The following STEEP1 variants were observed in gnomAD, a reference collection of about 807,000 sequenced individuals.
STEEP1 encodes STING1 ER exit protein 1.
A neutral mutation model predicts 19.2 loss-of-function variants in STEEP1; 3 were observed. The ratio of observed to expected loss-of-function variants is 0.16; its 90% CI spans 0.07 to 0.40. The LOEUF (loss-of-function observed/expected upper bound fraction) is 0.40, where lower values mean the gene tolerates loss of function less well. Ranked by LOEUF, STEEP1 falls within the 10% of genes least tolerant of loss-of-function variation. The probability of loss-of-function intolerance (pLI) is 0.99; values close to 1 mark genes in which losing one functional copy is unlikely to be tolerated. For missense variants in STEEP1, 54 were observed against 177.1 expected (o/e 0.30, Z 3.94); for synonymous variants, 46 against 63.7 (o/e 0.72, Z 1.32).
chrX:119,555,042 G>A (rs748902343), intron 2 of STEEP1, among the ~76,000 whole-genome samples: 50 of 109,609 alleles, frequency 4.6e-4, no homozygotes, highest in African/African-American at 1.5e-3. Flanking sequence ...CCAGGAGATC[G>A]AGACTGCAGT....
At chrX:119,552,902 C>T (rs1370937589) in intron 2 of STEEP1, among the ~76,000 whole-genome samples, 2 of 111,494 alleles carry the variant, frequency 1.8e-5, no homozygotes, top group Non-Finnish European at 3.8e-5. Flanking sequence ...GTGGCTCACA[C>T]CTGTAATCCC....
At chrX:119,545,893 CAAAAA>C (rs71927150) in intron 2 of STEEP1, among the ~76,000 whole-genome samples, 2 of 55,440 alleles carry the variant, frequency 3.6e-5, no homozygotes, top group Admixed American at 2.2e-4. Context: ...AACTCCGTCT[CAAAAA>C]AAAAAAAAAA....
intron 4 of STEEP1, among the ~76,000 whole-genome samples, chrX:119,543,077 G>A (rs1325307439): frequency 9.3e-6 from 1 of 107,112 alleles, no homozygotes; most frequent in African/African-American, 3.4e-5. Context: ...TCTCAGGCTT[G>A]TATCCAACTC....
In STEEP1 at chrX:119,560,346, C is replaced by A; in HGVS notation, c.164G>T (p.Arg55Leu). 8.3e-7 allele frequency: 1 copy of A among 1,208,583 alleles called. No homozygotes were observed. Among genetic ancestry groups the A allele is most frequent in the Non-Finnish European group, 1.1e-6 (1 of 892,698 alleles). Residue 55 changes from arginine (R) to leucine (L), a missense_variant, in exon 2 of 7, where the codon CGG becomes CTG. By Grantham distance (102) the Arg-to-Leu change is moderately radical. Transcript: ENST00000644802. Reference protein sequence around the residue: ...LEKLPMRPRDRSRVIDAAKHA... With the variant: ...LEKLPMRPRDLSRVIDAAKHA... The stretch of plus-strand genomic sequence containing the variant: ...TTTGGCAGCATCAATCACACGGGAC[C>A]GGTCCCGGGGCCTCATGGGCAATTT...
intron 2 of STEEP1, among the ~76,000 whole-genome samples, chrX:119,546,471 A>G (rs1431325918): frequency 1.8e-5 from 2 of 108,729 alleles, no homozygotes; most frequent in African/African-American, 6.7e-5. Context: ...TACATGTATT[A>G]ACTCATTTAA....
At chrX:119,560,466 T>C (rs2053313524) in intron 1 of STEEP1, 81 bp from the exon 2 acceptor site, 3 of 609,522 alleles carry the variant, frequency 4.9e-6, no homozygotes, top group East Asian at 3.3e-5. Flanking sequence ...CTGAGAAGTT[T>C]TGAGTGGGAT....
chrX:119,555,063 T>C (rs1275441983), intron 2 of STEEP1, among the ~76,000 whole-genome samples: 1 of 109,191 alleles, frequency 9.2e-6, no homozygotes, highest in African/African-American at 3.3e-5. Context: ...GAGCTGTGAT[T>C]GTGCCACTGC....
At chrX:119,554,465 C>T (rs1209786753) in intron 2 of STEEP1, among the ~76,000 whole-genome samples, 1 of 111,133 alleles carries the variant, frequency 9.0e-6, no homozygotes, top group Admixed American at 9.6e-5. Context: ...ATTCTCCATT[C>T]TGGCTGTGGT....
intron 1 of STEEP1, among the ~76,000 whole-genome samples, chrX:119,562,135 G>A (rs1339723579): frequency 4.4e-5 from 5 of 112,395 alleles, no homozygotes; most frequent in Non-Finnish European, 9.4e-5. Context: ...GGTGGCTCAC[G>A]CCTGTAATCC....
At chrX:119,544,757 A>G (rs2053189509) in intron 3 of STEEP1, among the ~76,000 whole-genome samples, 1 of 111,241 alleles carries the variant, frequency 9.0e-6, no homozygotes, top group Non-Finnish European at 1.9e-5. Context: ...CCTGGCCAAC[A>G]TGGCAAAACC....
intron 2 of STEEP1, among the ~76,000 whole-genome samples, chrX:119,552,887 G>A (rs1305344321): frequency 8.9e-6 from 1 of 111,751 alleles, no homozygotes; most frequent in Non-Finnish European, 1.9e-5. Context: ...TCTCGGCTGG[G>A]TGTGGTGGCT....
intron 4 of STEEP1, among the ~76,000 whole-genome samples, chrX:119,543,059 G>A (rs1484996471): frequency 9.6e-6 from 1 of 104,099 alleles, no homozygotes; most frequent in African/African-American, 3.6e-5. Flanking sequence ...CATCCTTAAC[G>A]CTTAATGTCT....
At chrX:119,553,202 T>C (rs1388728528) in intron 2 of STEEP1, among the ~76,000 whole-genome samples, 9 of 88,102 alleles carry the variant, frequency 1.0e-4, no homozygotes, top group Non-Finnish European at 1.6e-4. Flanking sequence ...AGGGTAAAGC[T>C]GAGGCATTCG....
intron 2 of STEEP1, among the ~76,000 whole-genome samples, chrX:119,555,064 G>A (rs926082208): frequency 9.2e-6 from 1 of 108,639 alleles, no homozygotes; most frequent in Non-Finnish European, 1.9e-5. Context: ...AGCTGTGATT[G>A]TGCCACTGCA....
At chrX:119,552,325 G>A (rs139979138) in intron 2 of STEEP1, among the ~76,000 whole-genome samples, 2,401 of 112,186 alleles carry the variant, frequency 0.021, 63 homozygotes, top group African/African-American at 0.073. Flanking sequence ...GGCATGAGCC[G>A]CCATGCCTAG....
At chrX:119,548,317 G>A (rs1251740025) in intron 2 of STEEP1, among the ~76,000 whole-genome samples, 3 of 110,390 alleles carry the variant, frequency 2.7e-5, no homozygotes, top group Non-Finnish European at 3.8e-5. Context: ...GGCGGATCAC[G>A]AAGGTCAGGA....
At chrX:119,559,078 C>T (rs951727557) in intron 2 of STEEP1, among the ~76,000 whole-genome samples, 6 of 110,243 alleles carry the variant, frequency 5.4e-5, no homozygotes, top group Non-Finnish European at 1.1e-4. Flanking sequence ...ATTAGCCAGG[C>T]GTGGTGGCAG....
intron 4 of STEEP1, among the ~76,000 whole-genome samples, chrX:119,542,958 G>A (rs1019154120): frequency 3.5e-5 from 3 of 86,699 alleles, no homozygotes; most frequent in South Asian, 6.3e-4. Flanking sequence ...ATGCCCCCAC[G>A]CCTGGCTAAT....
intron 2 of STEEP1, among the ~76,000 whole-genome samples, chrX:119,559,986 T>C (rs1388602889): frequency 9.0e-6 from 1 of 111,053 alleles, no homozygotes; most frequent in Non-Finnish European, 1.9e-5. Context: ...GAGGTGGAGG[T>C]TGCGGTAAGC....
Sources: gnomAD v4.1 joint callset for allele counts (sites outside exome capture counted in the v4.1 genomes callset) on GRCh38, gnomAD v4.1.1 for gene constraint, MANE v1.5 for transcripts, NCBI Gene and HGNC (gene_info 2026-07-23, HGNC 2026-07-21) for gene names.